Variants in LDLRAD4 observed in about 807,000 individuals in gnomAD.
LDLRAD4 encodes low density lipoprotein receptor class A domain containing 4.
LDLRAD4 carries 5 observed loss-of-function variants against 17.0 expected under a neutral mutation model. The observed-to-expected ratio is 0.29, with a 90% CI of 0.15 to 0.62. LDLRAD4 has a LOEUF of 0.62. Among genes scored for constraint, LDLRAD4 ranks in the 20% least tolerant of loss-of-function variants. LDLRAD4 has a pLI of 0.84. For missense variants in LDLRAD4, 340 were observed against 424.7 expected, an observed-to-expected ratio of 0.80 and a Z score of 1.75; for synonymous variants, 168 against 171.8, an observed-to-expected ratio of 0.98 and a Z score of 0.17.
At chr18:13,360,793 G>C (rs994847025) in intron 1 of LDLRAD4, among the ~76,000 whole-genome samples, 1 of 152,172 alleles carries the variant, frequency 6.6e-6, no homozygotes, top group Non-Finnish European at 1.5e-5. Context: ...GGAGAGGCAT[G>C]GTATGTACCA....
chr18:13,339,409 G>A (rs2082261362), intron 1 of LDLRAD4, among the ~76,000 whole-genome samples: 1 of 151,996 alleles, frequency 6.6e-6, no homozygotes, highest in Non-Finnish European at 1.5e-5. Context: ...CACCATGTTG[G>A]CCAGGATGGT....
At chr18:13,381,076 G>GTTTTTTTTTTTTTTTTT (rs759672017) in intron 1 of LDLRAD4, among the ~76,000 whole-genome samples, 1 of 128,486 alleles carries the variant, frequency 7.8e-6, no homozygotes, top group Non-Finnish European at 1.6e-5. Flanking sequence ...TTTCTCTTTA[G>GTTTTTTTTTTTTTTTTT]TTTTTTTTTT....
At chr18:13,233,444 T>A (rs1405382341) in intron 1 of LDLRAD4, among the ~76,000 whole-genome samples, 1 of 152,190 alleles carries the variant, frequency 6.6e-6, no homozygotes, top group Non-Finnish European at 1.5e-5. Flanking sequence ...GGCACCCTCT[T>A]ATTGGAAATA....
Position 13,369,061 on chromosome 18 carries a change from G to A in LDLRAD4, c.-382-18280G>A, listed in dbSNP as rs529808300. 2.3e-4 allele frequency among the ~76,000 whole-genome samples: 35 copies of A among 152,332 alleles called. No individual in the cohort carries two copies. In the East Asian group the frequency reaches 6.0e-3, roughly 26 times the overall value. On this transcript the variant is annotated intron_variant, in intron 1 of 5. Transcript: ENST00000359446. ...GTCATTGTCCGTGTGTGTCAGCGGT[G>A]AGCTGGACGTCAGGCTATAGAAGGA...
chr18:13,488,484 CT>C (rs2147067386), intron 3 of LDLRAD4: 1 of 152,374 alleles, frequency 6.6e-6, no homozygotes, highest in South Asian at 2.1e-4. Flanking sequence ...GGCAAACCCC[CT>C]ATTTCTTGTA....
Position 13,645,639 on chromosome 18 carries a change from G to T in LDLRAD4, c.903G>T (p.Lys301Asn), listed in dbSNP as rs2042985072. Residue 301 changes from lysine (K) to asparagine (N), a missense_variant, in exon 6 of 6, where the codon AAG becomes AAT. By Grantham distance (94) the Lys-to-Asn change is moderately conservative. Transcript: ENST00000359446. This position sits in a 1 kb window ranked among gnomAD's most constrained non-coding sequence, Gnocchi z 5.7. ...TACCCATCAAAGGCAAAGATAGGAA[G>T]CCTGGGAACCTGGTCTGATTCCTTC... 1 of 1,515,162 alleles carries T rather than the reference G, an allele frequency of 6.6e-7. No homozygotes were observed. Among genetic ancestry groups the T allele is most frequent in the African/African-American group, 1.4e-5 (1 of 71,660 alleles). 93.9% of individuals were successfully genotyped at this position (1,515,162 alleles called of 1,614,324 possible).
intron 3 of LDLRAD4, among the ~76,000 whole-genome samples, chr18:13,495,873 C>T (rs1300340874): frequency 6.6e-6 from 1 of 152,240 alleles, no homozygotes; most frequent in East Asian, 1.9e-4. Context: ...CGAAGACCTC[C>T]ATCACCTTCT....
At chr18:13,642,842 C>G (rs1276034757) in intron 4 of LDLRAD4, 1 of 798,660 alleles carries the variant, frequency 1.3e-6, no homozygotes, top group African/African-American at 1.8e-5. Flanking sequence ...TCACAGCCCT[C>G]CATGTAGACA....
At chr18:13,313,474 C>T (rs757799638) in intron 1 of LDLRAD4, among the ~76,000 whole-genome samples, 2 of 152,190 alleles carry the variant, frequency 1.3e-5, no homozygotes, top group African/African-American at 2.4e-5. Flanking sequence ...GTTGCAAGAG[C>T]GTGCAAGCTT....
chr18:13,610,132 AT>A (rs1349570299), intron 3 of LDLRAD4, among the ~76,000 whole-genome samples: 1 of 152,108 alleles, frequency 6.6e-6, no homozygotes, highest in Non-Finnish European at 1.5e-5. Flanking sequence ...TTCTTTTTTT[AT>A]ATATGAAATA....
intron 2 of LDLRAD4, among the ~76,000 whole-genome samples, chr18:13,407,401 G>A (rs776594851): frequency 2.6e-5 from 4 of 152,242 alleles, no homozygotes; most frequent in Non-Finnish European, 5.9e-5. Context: ...AATGCCCACA[G>A]TGCTTAGGCG....
intron 1 of LDLRAD4, among the ~76,000 whole-genome samples, chr18:13,252,707 G>A (rs1307533168): frequency 6.6e-6 from 1 of 152,220 alleles, no homozygotes; most frequent in African/African-American, 2.4e-5. Context: ...GCCAGTGAGA[G>A]GAATGAAGAT....
chr18:13,301,009 C>T (rs1416359293), intron 1 of LDLRAD4, among the ~76,000 whole-genome samples: 4 of 152,202 alleles, frequency 2.6e-5, no homozygotes, highest in East Asian at 3.9e-4. Context: ...ATGCCCTCAG[C>T]GGCCGCTGGA....
At chr18:13,423,712 C>T (rs1445149983) in intron 2 of LDLRAD4, 2 of 152,610 alleles carry the variant, frequency 1.3e-5, no homozygotes, top group East Asian at 3.8e-4. Flanking sequence ...TTATAGAAAG[C>T]CCTGTTCACG....
intron 3 of LDLRAD4, among the ~76,000 whole-genome samples, chr18:13,584,079 C>A (rs576940615): frequency 3.3e-4 from 50 of 152,336 alleles, no homozygotes; most frequent in African/African-American, 1.2e-3. Flanking sequence ...AGCCACGTTG[C>A]CTCCCATCAC....
In LDLRAD4 at chr18:13,440,100, T is replaced by C. The variant is rs1340434078; in HGVS notation, c.181+1716T>C. Among the ~76,000 whole-genome samples, 2 of 152,146 alleles carry C rather than the reference T, an allele frequency of 1.3e-5. No homozygotes were observed. Among genetic ancestry groups the C allele is most frequent in the African/African-American group, 2.4e-5 (1 of 41,418 alleles). Reference sequence around the variant, plus strand: ...TAACAGCAGACACACCACGGTAAGCTGTGTAGAGAATATCAGGACCTTGTG... The same window carrying C: ...TAACAGCAGACACACCACGGTAAGCCGTGTAGAGAATATCAGGACCTTGTG... On this transcript the variant is annotated intron_variant, in intron 3 of 5. Transcript: ENST00000359446. The surrounding 1 kb of genome is among the most constrained non-coding windows in gnomAD (Gnocchi z 4.4).
chr18:13,282,062 C>T (rs780838427), intron 1 of LDLRAD4, among the ~76,000 whole-genome samples: 2 of 152,174 alleles, frequency 1.3e-5, no homozygotes, highest in Non-Finnish European at 2.9e-5. Context: ...CCTTGATAAA[C>T]CCATCATATC....
chr18:13,612,658 G>C (rs1452843529), intron 3 of LDLRAD4: 9 of 1,612,300 alleles, frequency 5.6e-6, no homozygotes, highest in South Asian at 1.1e-5. Context: ...CTTTGAACGT[G>C]GGGGGGCTGC....
intron 1 of LDLRAD4, among the ~76,000 whole-genome samples, chr18:13,227,157 T>A (rs1344891918): frequency 6.6e-6 from 1 of 152,188 alleles, no homozygotes; most frequent in East Asian, 1.9e-4. Context: ...TGTGCTAAAG[T>A]TTTCTGCTTT....
Sources: allele counts gnomAD v4.1 joint callset (sites outside exome capture counted in the v4.1 genomes callset), GRCh38; gene constraint gnomAD v4.1.1; non-coding constraint Gnocchi (gnomAD v3.1); transcripts MANE v1.5; gene names NCBI Gene and HGNC (gene_info 2026-07-23, HGNC 2026-07-21).